TMEM131L: variants seen among roughly 807,000 people sequenced by gnomAD.
TMEM131L encodes the protein transmembrane protein 131-like.
In TMEM131L, 54 loss-of-function variants were observed where a neutral mutation model predicts 192.2. The observed-to-expected ratio is 0.28, with a 90% confidence interval of 0.23 to 0.35. The LOEUF (loss-of-function observed/expected upper bound fraction) is 0.35, where lower values mean the gene tolerates loss of function less well. Among genes scored for constraint, TMEM131L ranks in the 10% least tolerant of loss-of-function variants. TMEM131L has a pLI of 1.00. For synonymous variants in TMEM131L, 701 were observed against 704.9 expected (o/e 0.99, Z 0.09); for missense variants, 1,888 against 1,972.9 (o/e 0.96, Z 0.82).
At chr4:153,499,078 C>T (rs1311507610) in intron 3 of TMEM131L, among the ~76,000 whole-genome samples, 1 of 152,218 alleles carries the variant, frequency 6.6e-6, no homozygotes, top group Non-Finnish European at 1.5e-5. Context: ...CTGTCATTTT[C>T]CAAAACCTCT....
chr4:153,540,498 T>C (rs573156862), intron 3 of TMEM131L, among the ~76,000 whole-genome samples: 1 of 152,364 alleles, frequency 6.6e-6, no homozygotes, highest in Admixed American at 6.5e-5. Context: ...CCTTGTATCA[T>C]ATGTGTTATG....
At position 153,577,076 on chromosome 4, in the gene TMEM131L, A is replaced by G. The variant is rs527575901; in HGVS notation, c.661-3750A>G. 6.6e-5 allele frequency among the ~76,000 whole-genome samples: 10 copies of G among 152,308 alleles called. No individual in the cohort carries two copies. In the South Asian group the frequency reaches 1.0e-3, roughly 16 times the overall value. On this transcript the variant is annotated intron_variant, in intron 7 of 34. Transcript: ENST00000409959. ...TCTGAGAGGGTATTTAAGCCAGGAC[A>G]TGAAGCATAAATCAGATTTAGCTAG... is the stretch of plus-strand genomic sequence containing the variant.
At chr4:153,624,843 C>G (rs1239482043) in intron 29 of TMEM131L, among the ~76,000 whole-genome samples, 1 of 152,218 alleles carries the variant, frequency 6.6e-6, no homozygotes, top group Non-Finnish European at 1.5e-5. Flanking sequence ...ACTATTTCTT[C>G]TCTCTCCCAC....
chr4:153,542,554 G>C (rs1478590375), intron 3 of TMEM131L, among the ~76,000 whole-genome samples: 1 of 152,190 alleles, frequency 6.6e-6, no homozygotes, highest in East Asian at 1.9e-4. Flanking sequence ...GTGCGAAAGT[G>C]CAATGGATGA....
rs748822365 is a variant in TMEM131L at position 153,596,326 on chromosome 4, G to C, written c.2064G>C (p.Arg688Ser). ...ATCTGCAGCCTTTGGAAATGAAAAGGGTTGGCGTAGTTTTCACACCTGCTG... is the reference window on the plus strand; with the variant it reads ...ATCTGCAGCCTTTGGAAATGAAAAGCGTTGGCGTAGTTTTCACACCTGCTG... ...HLHLQPLEMKRVGVVFTPADY... is the reference protein window; with the variant it reads ...HLHLQPLEMKSVGVVFTPADY... The change falls in exon 20 of 35, where the codon AGG becomes AGC. Residue 688 changes from arginine (R) to serine (S), a missense_variant. Physicochemically the swap from Arg to Ser is moderately radical, Grantham distance 110 (BLOSUM62 -1). Coordinates refer to ENST00000409959, the MANE Select transcript of TMEM131L (RefSeq NM_001131007.2). The C allele has an allele frequency of 5.0e-6, 8 of 1,613,960 alleles. No homozygotes were observed. The highest frequency in any genetic ancestry group is 6.8e-6 in the Non-Finnish European group (8 of 1,179,890).
chr4:153,486,397 C>T (rs1732332779), intron 3 of TMEM131L, among the ~76,000 whole-genome samples: 1 of 152,222 alleles, frequency 6.6e-6, no homozygotes, highest in South Asian at 2.1e-4. Flanking sequence ...GTCCTGTCAG[C>T]TTGCTTTGCT....
chr4:153,481,103 A>T (rs763399239), intron 3 of TMEM131L, among the ~76,000 whole-genome samples: 2 of 151,776 alleles, frequency 1.3e-5, no homozygotes, highest in Non-Finnish European at 2.9e-5. Flanking sequence ...GGCCTCTTCA[A>T]CCTCTTCCTC....
At chr4:153,577,791 T>C (rs1378052446) in intron 7 of TMEM131L, among the ~76,000 whole-genome samples, 2 of 152,170 alleles carry the variant, frequency 1.3e-5, no homozygotes, top group Non-Finnish European at 2.9e-5. Flanking sequence ...CTTAAACAAC[T>C]GGATAAATAA....
intron 2 of TMEM131L, 66 bp downstream of exon 2, chr4:153,467,347 G>T (rs1390888382): frequency 7.3e-7 from 1 of 1,371,754 alleles, no homozygotes; most frequent in South Asian, 1.2e-5. Context: ...GAGGCCCCCG[G>T]TCCTCCCCAC....
intron 23 of TMEM131L, among the ~76,000 whole-genome samples, chr4:153,603,065 T>C (rs762724725): frequency 9.2e-5 from 14 of 152,340 alleles, no homozygotes; most frequent in Non-Finnish European, 1.8e-4. Flanking sequence ...ATGACCCTTT[T>C]TGAGTGATTT....
chr4:153,537,190 GA>G (rs1736399489), intron 3 of TMEM131L, among the ~76,000 whole-genome samples: 1 of 152,176 alleles, frequency 6.6e-6, no homozygotes, highest in Admixed American at 6.5e-5. Flanking sequence ...AGTGGAAACT[GA>G]ACTTCTGATC....
intron 3 of TMEM131L, among the ~76,000 whole-genome samples, chr4:153,487,672 G>A (rs1044480184): frequency 4.0e-5 from 6 of 151,784 alleles, no homozygotes; most frequent in African/African-American, 1.5e-4. Flanking sequence ...CCTGGCCCAG[G>A]CCCCTGTGGA....
chr4:153,623,043 TAAG>T lies in TMEM131L; in HGVS notation c.4009_4011del (p.Lys1337del). On this transcript the variant is annotated inframe_deletion, in exon 29 of 35. Transcript: ENST00000409959. ...GCAGCACCAGCAGCTCCGACGGGGATAAGAAGCCCATGGTGGACGCCCAGCACT... is the reference window on the plus strand; with the variant it reads ...GCAGCACCAGCAGCTCCGACGGGGATAAGCCCATGGTGGACGCCCAGCACT... 3 of 1,613,092 alleles carry T rather than the reference TAAG, an allele frequency of 1.9e-6. No homozygotes were observed. Among genetic ancestry groups the T allele is most frequent in the Non-Finnish European group, 1.7e-6 (2 of 1,179,684 alleles).
At chr4:153,495,432 A>G (rs1336056981) in intron 3 of TMEM131L, among the ~76,000 whole-genome samples, 2 of 152,134 alleles carry the variant, frequency 1.3e-5, no homozygotes, top group African/African-American at 2.4e-5. Flanking sequence ...TTGCTTTTAT[A>G]TATTTTAGGG....
chr4:153,551,011 A>G (rs995897582), intron 4 of TMEM131L, among the ~76,000 whole-genome samples: 2 of 152,234 alleles, frequency 1.3e-5, no homozygotes, highest in African/African-American at 2.4e-5. Flanking sequence ...TGGAGATGAA[A>G]GCAACATAAG....
chr4:153,482,135 T>C lies in TMEM131L; in HGVS notation c.239+8247T>C, dbSNP rs1369412928. 3.3e-5 allele frequency among the ~76,000 whole-genome samples: 5 copies of C among 152,228 alleles called. No individual in the cohort carries two copies. In the South Asian group the frequency reaches 1.0e-3, roughly 32 times the overall value. ...CTGGGATTACAGGTGTACACCACCG[T>C]GCCTGGCAGAGGCTGTATTTTTATA... On this transcript the variant is annotated intron_variant, in intron 3 of 34. Transcript: ENST00000409959.
At position 153,555,678 on chromosome 4, in the gene TMEM131L, C is replaced by T. The variant is rs1737930874; in HGVS notation, c.309-109C>T. ...TTAACTTTGTGATGAACAGCAACAG[C>T]TTTCTGGGTTTAAAAATCTGTGTGT... is the stretch of plus-strand genomic sequence containing the variant. On this transcript the variant is annotated intron_variant, in intron 4 of 34. Coordinates refer to ENST00000409959, the MANE Select transcript of TMEM131L (RefSeq NM_001131007.2). This position sits in a 1 kb window ranked among gnomAD's most constrained non-coding sequence, Gnocchi z 4.1. 1 of 913,578 alleles carries T rather than the reference C, an allele frequency of 1.1e-6. No homozygotes were observed. The highest frequency in any genetic ancestry group is 3.0e-5 in the East Asian group (1 of 33,430). 56.6% of individuals were successfully genotyped at this position (913,578 alleles called of 1,614,324 possible).
Position 153,555,784 on chromosome 4 carries a change from T to C in TMEM131L, c.309-3T>C, listed in dbSNP as rs1289431441. On this transcript the variant is annotated splice_polypyrimidine_tract_variant and splice_region_variant and intron_variant, in intron 4 of 34. Transcript: ENST00000409959. This position sits in a 1 kb window ranked among gnomAD's most constrained non-coding sequence, Gnocchi z 4.1. Reference sequence around the variant, plus strand: ...TGATTTTTCTCTTTGTTTCTCCTCCTAGGTTCCTGGGACATCCTGTAGCAA... The same window carrying C: ...TGATTTTTCTCTTTGTTTCTCCTCCCAGGTTCCTGGGACATCCTGTAGCAA... 3 of 1,550,724 alleles carry C rather than the reference T, an allele frequency of 1.9e-6. No individual in the cohort carries two copies. Among genetic ancestry groups the C allele is most frequent in the Non-Finnish European group, 2.6e-6 (3 of 1,146,118 alleles).
intron 3 of TMEM131L, among the ~76,000 whole-genome samples, chr4:153,548,342 C>T (rs1335744242): frequency 1.3e-5 from 2 of 152,160 alleles, no homozygotes; most frequent in East Asian, 3.8e-4. Context: ...GCTCTGTCGC[C>T]AAGGCTGGAT....
Sources: allele counts gnomAD v4.1 joint callset (sites outside exome capture counted in the v4.1 genomes callset), GRCh38; gene constraint gnomAD v4.1.1; non-coding constraint Gnocchi (gnomAD v3.1); transcripts MANE v1.5; gene names NCBI Gene and HGNC (gene_info 2026-07-23, HGNC 2026-07-21).